PTPRD: variants seen among roughly 807,000 people sequenced by gnomAD.
PTPRD encodes the protein receptor-type tyrosine-protein phosphatase delta.
In PTPRD, 34 loss-of-function variants were observed where a neutral mutation model predicts 214.5. The ratio of observed to expected loss-of-function variants is 0.16; its 90% confidence interval spans 0.12 to 0.21. PTPRD has a LOEUF of 0.21. Among genes scored for constraint, PTPRD ranks in the 10% least tolerant of loss-of-function variants. The pLI is 1.00. For synonymous variants in PTPRD, 1,128 were observed against 845.7 expected (o/e 1.33, Z -5.79); for missense variants, 2,545 against 2,398.7 (o/e 1.06, Z -1.27).
chr9:10,331,352 G>C lies in PTPRD; in HGVS notation c.-545+9611C>G, dbSNP rs111496450. Among the ~76,000 whole-genome samples the C allele has an allele frequency of 5.9e-4, 89 of 151,938 alleles. 1 individual carries two copies. The highest frequency in any genetic ancestry group is 1.6e-3 in the African/African-American group (67 of 41,526). ...AAGACTATTAATAGAAGCTTGTCTA[G>C]CTTGAAGGAGGCTGTCAGTGCAGAC... is the stretch of plus-strand genomic sequence containing the variant. On this transcript the variant is annotated intron_variant, in intron 3 of 45. Coordinates refer to ENST00000381196, the MANE Select transcript of PTPRD (RefSeq NM_002839.4).
intron 10 of PTPRD, among the ~76,000 whole-genome samples, chr9:9,179,057 T>C (rs1026545215): frequency 1.3e-5 from 2 of 152,062 alleles, no homozygotes; most frequent in Non-Finnish European, 2.9e-5. Context: ...GAAGATCTGG[T>C]TTATGTCTCC....
At chr9:10,063,172 G>C (rs1484102320) in intron 3 of PTPRD, among the ~76,000 whole-genome samples, 1 of 151,966 alleles carries the variant, frequency 6.6e-6, no homozygotes, top group East Asian at 1.9e-4. Context: ...ACAAGGTCAA[G>C]TTCTGCAAAG....
At chr9:8,918,026 G>C (rs2098798812) in intron 11 of PTPRD, among the ~76,000 whole-genome samples, 1 of 152,146 alleles carries the variant, frequency 6.6e-6, no homozygotes, top group Admixed American at 6.5e-5. Flanking sequence ...AGAATCAACA[G>C]CGTCACAACA....
intron 23 of PTPRD, among the ~76,000 whole-genome samples, chr9:8,502,261 AACACAAGTCCAT>A (rs1326856390): frequency 2.0e-5 from 3 of 152,166 alleles, no homozygotes; most frequent in African/African-American, 4.8e-5. Flanking sequence ...GGGCAAAGAT[AACACAAGTCCAT>A]ACACACACGC....
At chr9:9,691,444 T>C (rs1299549868) in intron 7 of PTPRD, among the ~76,000 whole-genome samples, 1 of 152,106 alleles carries the variant, frequency 6.6e-6, no homozygotes, top group Non-Finnish European at 1.5e-5. Flanking sequence ...GTTCTATCCA[T>C]GTTGTTGCAA....
At chr9:8,699,967 C>T (rs1243818430) in intron 12 of PTPRD, among the ~76,000 whole-genome samples, 1 of 152,102 alleles carries the variant, frequency 6.6e-6, no homozygotes. Flanking sequence ...ATCAGTAATG[C>T]TGAGAACCCA....
chr9:10,384,758 C>T lies in PTPRD; in HGVS notation c.-599-43741G>A, dbSNP rs114802957. ...TTAAAAACTGAAAAAAGGATAATCTCTAAATTTGTCAGAAAAAAAAAACCT... is the reference window on the plus strand; with the variant it reads ...TTAAAAACTGAAAAAAGGATAATCTTTAAATTTGTCAGAAAAAAAAAACCT... On this transcript the variant is annotated intron_variant, in intron 2 of 45. Coordinates refer to ENST00000381196, the MANE Select transcript of PTPRD (RefSeq NM_002839.4). Among the ~76,000 whole-genome samples, 828 of 100,240 alleles carry T rather than the reference C, an allele frequency of 8.3e-3. 10 individuals carry two copies. The highest frequency in any genetic ancestry group is 0.036 in the African/African-American group (793 of 22,206). The allele number at this position is 100,240 out of a possible 152,430, so 65.8% of individuals were successfully genotyped here.
At chr9:10,604,001 T>C (rs1469531417) in intron 2 of PTPRD, among the ~76,000 whole-genome samples, 1 of 151,834 alleles carries the variant, frequency 6.6e-6, no homozygotes, top group African/African-American at 2.4e-5. Flanking sequence ...TAACACACCC[T>C]TTAATTGTTC....
At chr9:9,019,342 A>AAGAG (rs1219470692) in intron 10 of PTPRD, among the ~76,000 whole-genome samples, 12 of 121,410 alleles carry the variant, frequency 9.9e-5, no homozygotes, top group African/African-American at 4.1e-4. Context: ...GAAAGAACGA[A>AAGAG]AGAAAGAAAG....
At chr9:9,636,675 G>C (rs530833738) in intron 7 of PTPRD, among the ~76,000 whole-genome samples, 2 of 152,148 alleles carry the variant, frequency 1.3e-5, no homozygotes, top group Non-Finnish European at 2.9e-5. Context: ...ATTGTCACCA[G>C]CTTGTGGATG....
In PTPRD at chr9:9,377,984, T is replaced by A. The variant is rs766691626; in HGVS notation, c.-203+19465A>T. Among the ~76,000 whole-genome samples the A allele has an allele frequency of 6.9e-4, 105 of 152,102 alleles. 1 individual carries two copies. Among genetic ancestry groups the A allele is most frequent in the Admixed American group, 2.8e-3 (42 of 15,242 alleles). ...GAGGAAAGTACAGAGATTTCACATA[T>A]ACTCCCTCTCCCACATATGCACAAC... On this transcript the variant is annotated intron_variant, in intron 9 of 45. Transcript: ENST00000381196.
intron 12 of PTPRD, among the ~76,000 whole-genome samples, chr9:8,705,650 T>A (rs1309218934): frequency 1.3e-5 from 2 of 152,088 alleles, no homozygotes; most frequent in African/African-American, 4.8e-5. Context: ...GTTAAACACA[T>A]AACAAATTGA....
intron 11 of PTPRD, among the ~76,000 whole-genome samples, chr9:8,799,824 G>T (rs1271119326): frequency 6.6e-6 from 1 of 151,832 alleles, no homozygotes; most frequent in Non-Finnish European, 1.5e-5. Flanking sequence ...CACTTCTAAT[G>T]TTTTGATCTC....
intron 4 of PTPRD, among the ~76,000 whole-genome samples, chr9:10,014,236 T>C (rs112344952): frequency 1.4e-4 from 22 of 152,094 alleles, no homozygotes; most frequent in African/African-American, 4.8e-4. Flanking sequence ...AATGTTTTTC[T>C]CACTTCACAG....
intron 10 of PTPRD, among the ~76,000 whole-genome samples, chr9:9,158,662 C>A (rs995007020): frequency 6.6e-6 from 1 of 151,672 alleles, no homozygotes; most frequent in South Asian, 2.1e-4. Context: ...CTTCTCAAAC[C>A]CTTTCAGAAA....
At chr9:8,479,726 A>G (rs1189552616) in intron 30 of PTPRD, among the ~76,000 whole-genome samples, 1 of 152,246 alleles carries the variant, frequency 6.6e-6, no homozygotes, top group Non-Finnish European at 1.5e-5. Context: ...TCATTTTTAT[A>G]TAAATAAAAG....
At chr9:9,686,070 T>C (rs548441818) in intron 7 of PTPRD, among the ~76,000 whole-genome samples, 2 of 151,552 alleles carry the variant, frequency 1.3e-5, no homozygotes, top group Admixed American at 1.3e-4. Flanking sequence ...GAAATATATA[T>C]TAAGTTATAT....
chr9:10,270,940 C>T (rs982128857), intron 3 of PTPRD, among the ~76,000 whole-genome samples: 3 of 152,076 alleles, frequency 2.0e-5, no homozygotes, highest in Non-Finnish European at 4.4e-5. Flanking sequence ...AAGTGATTCT[C>T]CTTCCTCAGC....
rs904420864 is a variant in PTPRD, at chr9:8,907,319, C to T, written c.-104+111378G>A. ...AATTCTATTCAGGAAAAATAGCTAT[C>T]ATTATAAACATGTTCAAGGAATAAA... On this transcript the variant is annotated intron_variant, in intron 11 of 45. Coordinates refer to ENST00000381196, the MANE Select transcript of PTPRD (RefSeq NM_002839.4). 2.6e-5 allele frequency among the ~76,000 whole-genome samples: 4 copies of T among 151,718 alleles called. No homozygotes were observed. In the East Asian group the frequency reaches 7.7e-4, roughly 29 times the overall value.
Sources: allele counts gnomAD v4.1 joint callset (sites outside exome capture counted in the v4.1 genomes callset), GRCh38; gene constraint gnomAD v4.1.1; transcripts MANE v1.5; gene names NCBI Gene and HGNC (gene_info 2026-07-23, HGNC 2026-07-21).